Variants in FAM234A observed in about 807,000 individuals in gnomAD.
The protein encoded by FAM234A is family with sequence similarity 234 member A.
In FAM234A, 42 loss-of-function variants were observed where a neutral mutation model predicts 49.1. That is an observed-to-expected ratio of 0.86 (90% CI 0.67 to 1.11). The LOEUF is 1.11. Among genes scored for constraint, FAM234A ranks in the 50% least tolerant of loss-of-function variants. The pLI is 0.00. For synonymous variants in FAM234A, 369 were observed against 316.2 expected (o/e 1.17, Z -1.77); for missense variants, 815 against 745.2 (o/e 1.09, Z -1.09).
chr16:269,459 C>T, downstream of FAM234A: 1 of 1,603,166 alleles, frequency 6.2e-7, no homozygotes, highest in Non-Finnish European at 8.5e-7. Flanking sequence ...CCCCAGCAGC[C>T]CCCAGGCCAC....
In FAM234A at chr16:260,246, C is replaced by T. The variant is rs74003711; in HGVS notation, c.577+86C>T. 8.9e-4 allele frequency: 1,099 copies of T among 1,228,070 alleles called. 11 individuals are homozygous for T. In the African/African-American group the frequency reaches 0.014, roughly 16 times the overall value. The allele number at this position is 1,228,070 out of a possible 1,614,324, so 76.1% of individuals were successfully genotyped here. A position where few individuals can be genotyped will look rare whatever the true frequency, so the allele number is the denominator to read the frequency against. On this transcript the variant is annotated intron_variant, in intron 5 of 12. Transcript: ENST00000399932. ...GAGGGCTAATGCCAGGAGGCCGCGA[C>T]GAGGCTCAGCCCTGTGATCTTGAGG... is the stretch of plus-strand genomic sequence containing the variant.
At chr16:261,635 T>C in intron 6 of FAM234A, 121 bp downstream of exon 6, 1 of 1,230,526 alleles carries the variant, frequency 8.1e-7, no homozygotes, top group Non-Finnish European at 1.1e-6. Context: ...TGCCGGGGAC[T>C]CGCCCAGAGC....
chr16:263,431 G>T (rs763913420), intron 9 of FAM234A, 29 bp downstream of exon 9: 63 of 1,601,300 alleles, frequency 3.9e-5, no homozygotes, highest in Non-Finnish European at 5.3e-5. Context: ...GACCGCGCAG[G>T]TGCTGCACCC....
At chr16:263,115 G>A in intron 8 of FAM234A, 147 bp from the exon 9 acceptor site, 1 of 1,034,274 alleles carries the variant, frequency 9.7e-7, no homozygotes, top group Non-Finnish European at 1.4e-6. Context: ...ACCGCGCCCA[G>A]CTCTTCTCTT....
At chr16:269,506 C>G, downstream of FAM234A, 1 of 1,613,096 alleles carries the variant, frequency 6.2e-7, no homozygotes, top group Non-Finnish European at 8.5e-7. Flanking sequence ...GGCTCACCGT[C>G]TCTTCATCTC....
downstream of FAM234A, chr16:268,625 G>A (rs1422481611): frequency 1.4e-6 from 1 of 702,604 alleles, no homozygotes; most frequent in Non-Finnish European, 2.4e-6. Flanking sequence ...AAATCGGGGG[G>A]GAGGCCGCGG....
rs1047759725 is a variant in FAM234A, at chr16:265,436, C to T, written c.*414C>T. 2.4e-4 allele frequency: 242 copies of T among 1,006,106 alleles called. No homozygotes were observed. Among genetic ancestry groups the T allele is most frequent in the Non-Finnish European group, 2.6e-4 (219 of 844,008 alleles). The allele number at this position is 1,006,106 out of a possible 1,614,324, so 62.3% of individuals were successfully genotyped here. A position where few individuals can be genotyped will look rare whatever the true frequency, so the allele number is the denominator to read the frequency against. The stretch of plus-strand genomic sequence containing the variant: ...CGCGTAGAAAGAACCAGGGTGTCCC[C>T]GGGACAGGCCGTCCCCCACCCCATC... On this transcript the variant is annotated 3_prime_UTR_variant, in exon 13 of 13. Coordinates refer to ENST00000399932, the MANE Select transcript of FAM234A (RefSeq NM_032039.4).
intron 11 of FAM234A, among the ~76,000 whole-genome samples, chr16:264,381 TA>T (rs796235543): frequency 2.3e-4 from 35 of 152,188 alleles, no homozygotes; most frequent in African/African-American, 7.7e-4. Context: ...CTTCGGTGGA[TA>T]GGGGCGCACA....
intron 5 of FAM234A, 83 bp downstream of exon 5, chr16:260,243 C>T (rs1043482957): frequency 2.9e-5 from 38 of 1,295,046 alleles, no homozygotes; most frequent in South Asian, 5.1e-5. Context: ...CAGGAGGCCG[C>T]GACGAGGCTC....
chr16:235,905 C>A (rs1219742473), intron 1 of FAM234A, among the ~76,000 whole-genome samples: 1 of 152,054 alleles, frequency 6.6e-6, no homozygotes, highest in Non-Finnish European at 1.5e-5. Flanking sequence ...GTCATCCCAG[C>A]ACTTTGGGAG....
intron 2 of FAM234A, among the ~76,000 whole-genome samples, chr16:253,153 C>T (rs570060128): frequency 6.6e-6 from 1 of 152,148 alleles, no homozygotes; most frequent in African/African-American, 2.4e-5. Context: ...TTCCCATGTT[C>T]AAATGTGTTT....
At chr16:257,035 C>G (rs2051260909) in intron 3 of FAM234A, among the ~76,000 whole-genome samples, 1 of 152,058 alleles carries the variant, frequency 6.6e-6, no homozygotes, top group Admixed American at 6.6e-5. Context: ...TGCCACCACG[C>G]TTGGCCGTAA....
intron 5 of FAM234A, chr16:260,563 G>A (rs1339680888): frequency 2.1e-6 from 1 of 478,340 alleles, no homozygotes; most frequent in Non-Finnish European, 4.3e-6. Flanking sequence ...GGGCCTGTCA[G>A]TGCCCCTAAG....
chr16:256,985 G>T (rs1050018778), intron 3 of FAM234A, among the ~76,000 whole-genome samples: 1 of 151,768 alleles, frequency 6.6e-6, no homozygotes, highest in Non-Finnish European at 1.5e-5. Context: ...TAGGTGATTG[G>T]CCTGCCTCAG....
At chr16:258,155 A>AT (rs577801424) in intron 3 of FAM234A, among the ~76,000 whole-genome samples, 7,527 of 134,026 alleles carry the variant, frequency 0.056, 563 homozygotes, top group African/African-American at 0.17. Context: ...CACCCGGCCT[A>AT]TTTTTTTTTT....
chr16:265,073 G>A lies in FAM234A; in HGVS notation c.*51G>A, dbSNP rs745708877. The A allele has an allele frequency of 1.1e-4, 167 of 1,539,774 alleles. No individual in the cohort carries two copies. The highest frequency in any genetic ancestry group is 1.4e-4 in the Non-Finnish European group (161 of 1,142,714). ...GAGACTCCGCCTGCTGACACTAAAC[G>A]TCCTGGGAAGTGGGCCCTTCCCTGG... On this transcript the variant is annotated 3_prime_UTR_variant, in exon 13 of 13. Transcript: ENST00000399932.
At position 254,440 on chromosome 16, in the gene FAM234A, C is replaced by G; in HGVS notation, c.27C>G (p.Ala9=). 6.2e-7 allele frequency: 1 copy of G among 1,614,060 alleles called. No homozygotes were observed. Among genetic ancestry groups the G allele is most frequent in the Non-Finnish European group, 8.5e-7 (1 of 1,180,030 alleles). ...TGTTGGACCACAAGGACTTAGAGGC[C>G]GAAATCCACCCCTTGAAAAATGAAG... MLDHKDLE[A]EIHPLKNEER... is the part of the protein sequence containing the mutation. Residue 9 remains alanine, a synonymous_variant, in exon 3 of 13, where the codon GCC becomes GCG. Coordinates refer to ENST00000399932, the MANE Select transcript of FAM234A (RefSeq NM_032039.4).
At chr16:261,061 G>A (rs1241207509) in intron 5 of FAM234A, 1 of 290,456 alleles carries the variant, frequency 3.4e-6, no homozygotes, top group Admixed American at 4.5e-5. Context: ...ATGGGCCCTA[G>A]AGGTTCCAGG....
At position 261,420 on chromosome 16, in the gene FAM234A, G is replaced by A. The variant is rs779099999; in HGVS notation, c.614G>A (p.Gly205Glu). The change falls in exon 6 of 13, where the codon GGG becomes GAG. Residue 205 changes from glycine to glutamate, a missense_variant. By Grantham distance (98) the Gly-to-Glu change is moderately conservative. Coordinates refer to ENST00000399932, the MANE Select transcript of FAM234A (RefSeq NM_032039.4). ...TGGAACCACAGCAGCAGCTTCAGCG[G>A]GAATGCGTCCATCCTGAGCCCTCTG... ...TLWNHSSSFS[G>E]NASILSPLLQ... is the part of the protein sequence containing the mutation. 5 of 1,613,224 alleles carry A rather than the reference G, an allele frequency of 3.1e-6. No individual in the cohort carries two copies. The highest frequency in any genetic ancestry group is 4.2e-6 in the Non-Finnish European group (5 of 1,179,514).
Sources: allele counts gnomAD v4.1 joint callset (sites outside exome capture counted in the v4.1 genomes callset), GRCh38; gene constraint gnomAD v4.1.1; transcripts MANE v1.5; gene names NCBI Gene and HGNC (gene_info 2026-07-23, HGNC 2026-07-21).